The following DRC11 variants were observed in gnomAD, a reference collection of about 807,000 sequenced individuals.
DRC11 encodes the protein dynein regulatory complex subunit 11.
At chr2:236,334,825 CTG>C in the DRC11 span, among the ~76,000 whole-genome samples, 1 of 152,050 alleles carries the variant, frequency 6.6e-6, no homozygotes, top group Non-Finnish European at 1.5e-5. This position sits in a 1 kb window ranked among gnomAD's most constrained non-coding sequence, Gnocchi z 7.8. Flanking sequence ...CGACCAGACA[CTG>C]GGTCTGGGTG....
the DRC11 span, among the ~76,000 whole-genome samples, chr2:236,475,820 A>G: frequency 4.6e-5 from 7 of 152,180 alleles, no homozygotes; most frequent in Non-Finnish European, 7.3e-5. This position sits in a 1 kb window ranked among gnomAD's most constrained non-coding sequence, Gnocchi z 4.8. Flanking sequence ...TCATTTATTG[A>G]AGAGACTGTC....
the DRC11 span, among the ~76,000 whole-genome samples, chr2:236,373,131 T>G: frequency 9.9e-5 from 15 of 152,270 alleles, no homozygotes; most frequent in South Asian, 3.1e-3. Context: ...CATTATAATT[T>G]ATTTTTTTCT....
chr2:236,398,913 G>A, the DRC11 span, among the ~76,000 whole-genome samples: 1 of 152,180 alleles, frequency 6.6e-6, no homozygotes, highest in Non-Finnish European at 1.5e-5. This position sits in a 1 kb window ranked among gnomAD's most constrained non-coding sequence, Gnocchi z 6.2. Context: ...TCAAAAACAG[G>A]ATGGAGGTCT....
chr2:236,419,137 C>T, the DRC11 span: 8 of 1,512,968 alleles, frequency 5.3e-6, no homozygotes, highest in Middle Eastern at 2.4e-4. This position sits in a 1 kb window ranked among gnomAD's most constrained non-coding sequence, Gnocchi z 4.8. Context: ...AAATTTCATA[C>T]AAATATTTTA....
chr2:236,432,056 T>C, the DRC11 span, among the ~76,000 whole-genome samples: 1 of 152,218 alleles, frequency 6.6e-6, no homozygotes, highest in Non-Finnish European at 1.5e-5. Context: ...TAGCAATGTA[T>C]GTGGGTTCCC....
At chr2:236,437,188 G>A in the DRC11 span, among the ~76,000 whole-genome samples, 7 of 142,786 alleles carry the variant, frequency 4.9e-5, 1 homozygote, top group South Asian at 1.2e-3. Context: ...GAGAATATGC[G>A]GTGTTTGGTT....
chr2:236,357,986 AAATATATATG>A, the DRC11 span, among the ~76,000 whole-genome samples: 1 of 115,270 alleles, frequency 8.7e-6, no homozygotes, highest in Non-Finnish European at 1.6e-5. Context: ...ACTCATATAT[AAATATATATG>A]AATATATATT....
the DRC11 span, among the ~76,000 whole-genome samples, chr2:236,470,775 G>C: frequency 6.6e-6 from 1 of 152,102 alleles, no homozygotes; most frequent in African/African-American, 2.4e-5. This position sits in a 1 kb window ranked among gnomAD's most constrained non-coding sequence, Gnocchi z 5.1. Flanking sequence ...CCTCTGCTCA[G>C]AGTAAAGTTA....
At chr2:236,360,707 T>C in the DRC11 span, among the ~76,000 whole-genome samples, 1 of 152,176 alleles carries the variant, frequency 6.6e-6, no homozygotes, top group South Asian at 2.1e-4. The surrounding 1 kb of genome is among the most constrained non-coding windows in gnomAD (Gnocchi z 5.8). Context: ...AAGCAATAGA[T>C]GAAAAACAGA....
chr2:236,353,128 AG>A, the DRC11 span, among the ~76,000 whole-genome samples: 1 of 152,240 alleles, frequency 6.6e-6, no homozygotes, highest in Non-Finnish European at 1.5e-5. This position sits in a 1 kb window ranked among gnomAD's most constrained non-coding sequence, Gnocchi z 5.0. Context: ...AGCTATGAAA[AG>A]GCTTCATTTA....
the DRC11 span, among the ~76,000 whole-genome samples, chr2:236,449,848 T>A: frequency 1.3e-5 from 2 of 152,198 alleles, no homozygotes; most frequent in African/African-American, 2.4e-5. This position sits in a 1 kb window ranked among gnomAD's most constrained non-coding sequence, Gnocchi z 5.1. Flanking sequence ...GCCTGCTCAC[T>A]TCCTGAAATA....
At chr2:236,497,309 C>T in the DRC11 span, 31 of 1,613,850 alleles carry the variant, frequency 1.9e-5, no homozygotes, top group Admixed American at 6.7e-5. The surrounding 1 kb of genome is among the most constrained non-coding windows in gnomAD (Gnocchi z 5.1). Flanking sequence ...TGGGGGTGGA[C>T]GAACTGGTCG....
At chr2:236,438,607 C>T in the DRC11 span, among the ~76,000 whole-genome samples, 19 of 152,170 alleles carry the variant, frequency 1.2e-4, no homozygotes, top group African/African-American at 4.6e-4. Flanking sequence ...TTTGTATCCT[C>T]TTTTATTTCC....
chr2:236,408,550 T>C, the DRC11 span: 1 of 727,628 alleles, frequency 1.4e-6, no homozygotes, highest in Non-Finnish European at 2.6e-6. This position sits in a 1 kb window ranked among gnomAD's most constrained non-coding sequence, Gnocchi z 5.5. Context: ...GGCCTTCTTC[T>C]GGCGTGGAGG....
the DRC11 span, among the ~76,000 whole-genome samples, chr2:236,354,342 T>C: frequency 2.0e-5 from 3 of 151,258 alleles, no homozygotes; most frequent in African/African-American, 4.9e-5. Flanking sequence ...TTAGTGTGCA[T>C]GTGTGTGTGT....
At chr2:236,484,136 TTC>T in the DRC11 span, among the ~76,000 whole-genome samples, 1 of 152,236 alleles carries the variant, frequency 6.6e-6, no homozygotes, top group Non-Finnish European at 1.5e-5. Context: ...TCTTATGTTA[TTC>T]TCTGACATTT....
the DRC11 span, among the ~76,000 whole-genome samples, chr2:236,376,316 G>A: frequency 2.6e-5 from 4 of 152,338 alleles, no homozygotes; most frequent in East Asian, 7.7e-4. The surrounding 1 kb of genome is among the most constrained non-coding windows in gnomAD (Gnocchi z 5.7). Context: ...ACGGGAGACA[G>A]AAGAGACACA....
the DRC11 span, among the ~76,000 whole-genome samples, chr2:236,487,598 G>A: frequency 2.0e-5 from 3 of 152,086 alleles, no homozygotes; most frequent in African/African-American, 7.2e-5. Flanking sequence ...CTGATGTGCT[G>A]GTTATTAGTG....
the DRC11 span, chr2:236,412,677 C>T: frequency 6.6e-6 from 1 of 152,310 alleles, no homozygotes; most frequent in African/African-American, 2.4e-5. Flanking sequence ...CCAGGCAAGT[C>T]ATCCTTTGTG....
Sources: allele counts gnomAD v4.1 joint callset (sites outside exome capture counted in the v4.1 genomes callset), GRCh38; gene constraint gnomAD v4.1.1; non-coding constraint Gnocchi (gnomAD v3.1); transcripts MANE v1.5; gene names NCBI Gene and HGNC (gene_info 2026-07-23, HGNC 2026-07-21).